DACH1: variants seen among roughly 807,000 people sequenced by gnomAD.
DACH1 encodes the protein dachshund family transcription factor 1.
DACH1 carries 12 observed loss-of-function variants against 54.2 expected under a neutral mutation model. That is an observed-to-expected ratio of 0.22 (90% confidence interval 0.14 to 0.36). The LOEUF (loss-of-function observed/expected upper bound fraction) is 0.36, where lower values mean the gene tolerates loss of function less well. Ranked by LOEUF, DACH1 falls within the 10% of genes least tolerant of loss-of-function variation. DACH1 has a pLI of 1.00. For missense variants in DACH1, 805 were observed against 929.8 expected (o/e 0.87, Z 1.75); for synonymous variants, 386 against 366.2 (o/e 1.05, Z -0.62).
chr13:71,521,505 C>A (rs773076237), intron 6 of DACH1, among the ~76,000 whole-genome samples: 1 of 151,940 alleles, frequency 6.6e-6, no homozygotes, highest in Non-Finnish European at 1.5e-5. Flanking sequence ...CATTTTAAAA[C>A]CACCTCCTGG....
At chr13:71,735,352 G>C (rs1383822515) in intron 1 of DACH1, among the ~76,000 whole-genome samples, 2 of 40,408 alleles carry the variant, frequency 4.9e-5, no homozygotes, top group African/African-American at 1.1e-4. Context: ...ACGTGTATAT[G>C]GGATATACAC....
At chr13:71,539,262 G>A (rs573860647) in intron 6 of DACH1, among the ~76,000 whole-genome samples, 4 of 152,044 alleles carry the variant, frequency 2.6e-5, no homozygotes, top group Admixed American at 1.3e-4. Flanking sequence ...TCTATGGCCC[G>A]TAGTGATATT....
chr13:71,618,995 G>A (rs1259451144), intron 3 of DACH1, among the ~76,000 whole-genome samples: 1 of 151,298 alleles, frequency 6.6e-6, no homozygotes, highest in East Asian at 1.9e-4. Flanking sequence ...TTTTGCATAG[G>A]TGTGAATACA....
chr13:71,712,479 T>C (rs192030418), intron 1 of DACH1, among the ~76,000 whole-genome samples: 1 of 152,240 alleles, frequency 6.6e-6, no homozygotes, highest in Admixed American at 6.6e-5. Context: ...TGAAATAAAC[T>C]ACATTGCATT....
At chr13:71,669,064 A>T (rs985000942) in intron 2 of DACH1, among the ~76,000 whole-genome samples, 1 of 152,246 alleles carries the variant, frequency 6.6e-6, no homozygotes, top group Non-Finnish European at 1.5e-5. Flanking sequence ...TGTGAAACAA[A>T]GCAAATTATC....
intron 8 of DACH1, among the ~76,000 whole-genome samples, chr13:71,476,524 A>G (rs1877534613): frequency 6.6e-6 from 1 of 152,142 alleles, no homozygotes; most frequent in African/African-American, 2.4e-5. Flanking sequence ...ATATATTTTA[A>G]GAAAATTATT....
chr13:71,535,656 T>A (rs894178593), intron 6 of DACH1, among the ~76,000 whole-genome samples: 1 of 152,020 alleles, frequency 6.6e-6, no homozygotes, highest in Non-Finnish European at 1.5e-5. Flanking sequence ...ATTTATAGTG[T>A]CCTCTTGTAT....
chr13:71,523,987 T>C (rs1354747322), intron 6 of DACH1, among the ~76,000 whole-genome samples: 1 of 152,102 alleles, frequency 6.6e-6, no homozygotes, highest in Non-Finnish European at 1.5e-5. Flanking sequence ...TAAAGATGCA[T>C]TAAAACTAGA....
At chr13:71,746,091 G>A (rs983291986) in intron 1 of DACH1, among the ~76,000 whole-genome samples, 1 of 152,030 alleles carries the variant, frequency 6.6e-6, no homozygotes, top group Non-Finnish European at 1.5e-5. Context: ...GGTGGCACAC[G>A]CCTGTAACCC....
At chr13:71,710,802 T>C (rs1429395994) in intron 1 of DACH1, among the ~76,000 whole-genome samples, 1 of 152,146 alleles carries the variant, frequency 6.6e-6, no homozygotes, top group African/African-American at 2.4e-5. Context: ...GTGGAACATC[T>C]GCAAAGCAAA....
intron 4 of DACH1, among the ~76,000 whole-genome samples, chr13:71,566,288 T>C (rs949243624): frequency 3.9e-5 from 6 of 152,156 alleles, no homozygotes; most frequent in African/African-American, 1.2e-4. Context: ...TACAAGTTGA[T>C]GTGGGGGTAC....
At chr13:71,779,188 CGTATATACGTATATATGTGT>C (rs1886220806) in intron 1 of DACH1, among the ~76,000 whole-genome samples, 2 of 124,192 alleles carry the variant, frequency 1.6e-5, no homozygotes, top group Non-Finnish European at 3.4e-5. Flanking sequence ...CACATATATA[CGTATATACGTATATATGTGT>C]ATATATATAC....
At chr13:71,855,092 C>G (rs751470318) in intron 1 of DACH1, among the ~76,000 whole-genome samples, 6 of 151,982 alleles carry the variant, frequency 3.9e-5, no homozygotes, top group Non-Finnish European at 7.4e-5. Context: ...TAATATTTTT[C>G]CTCTATTCCA....
At chr13:71,702,746 G>T (rs897193615) in intron 1 of DACH1, among the ~76,000 whole-genome samples, 1 of 151,898 alleles carries the variant, frequency 6.6e-6, no homozygotes, top group African/African-American at 2.4e-5. Context: ...TATTTTAAAG[G>T]ATTAAACCAT....
At chr13:71,646,419 C>A (rs1878276217) in intron 2 of DACH1, among the ~76,000 whole-genome samples, 1 of 151,158 alleles carries the variant, frequency 6.6e-6, no homozygotes, top group South Asian at 2.1e-4. Flanking sequence ...AAATTGTTTT[C>A]TTCAGCCACT....
intron 10 of DACH1, among the ~76,000 whole-genome samples, chr13:71,468,249 T>C (rs564488288): frequency 6.6e-6 from 1 of 152,340 alleles, no homozygotes; most frequent in South Asian, 2.1e-4. Context: ...ATTGTAATAA[T>C]AAAATTTAAT....
chr13:71,654,161 C>A (rs938768826), intron 2 of DACH1, among the ~76,000 whole-genome samples: 1 of 151,726 alleles, frequency 6.6e-6, no homozygotes, highest in African/African-American at 2.4e-5. Flanking sequence ...GAGGCTGAGG[C>A]GGGAAGATCA....
chr13:71,642,908 C>T (rs1186881192), intron 2 of DACH1, among the ~76,000 whole-genome samples: 5 of 151,730 alleles, frequency 3.3e-5, no homozygotes, highest in Non-Finnish European at 7.4e-5. Context: ...GCCTGTAATC[C>T]CAGCTACTCG....
At chr13:71,668,630 A>G (rs1259726649) in intron 2 of DACH1, among the ~76,000 whole-genome samples, 2 of 151,972 alleles carry the variant, frequency 1.3e-5, no homozygotes, top group Non-Finnish European at 2.9e-5. Flanking sequence ...TTTTTTTTAA[A>G]AATAAAGAAA....
Sources: gnomAD v4.1 joint callset for allele counts (sites outside exome capture counted in the v4.1 genomes callset) on GRCh38, gnomAD v4.1.1 for gene constraint, MANE v1.5 for transcripts, NCBI Gene and HGNC (gene_info 2026-07-23, HGNC 2026-07-21) for gene names.